The following RFFL variants were observed in gnomAD, a reference collection of about 807,000 sequenced individuals.
RFFL encodes ring finger and FYVE like domain containing E3 ubiquitin protein ligase, also known as E3 ubiquitin-protein ligase rififylin.
A neutral mutation model predicts 40.4 loss-of-function variants in RFFL; 16 were observed. The observed-to-expected ratio is 0.40, with a 90% CI of 0.27 to 0.60. The LOEUF is 0.60. Ranked by LOEUF, RFFL falls within the 20% of genes least tolerant of loss-of-function variation. The probability of loss-of-function intolerance (pLI) is 0.47; values close to 1 mark genes in which losing one functional copy is unlikely to be tolerated. For missense variants in RFFL, 367 were observed against 451.7 expected, an observed-to-expected ratio of 0.81 and a Z score of 1.70; for synonymous variants, 154 against 167.9, an observed-to-expected ratio of 0.92 and a Z score of 0.64.
intron 1 of RFFL, among the ~76,000 whole-genome samples, chr17:35,069,910 C>T (rs16970624): frequency 0.092 from 13,900 of 151,880 alleles, 1,947 homozygotes; most frequent in African/African-American, 0.3. Context: ...GTCCTAAATG[C>T]TTTAAAAAAT....
At chr17:35,061,872 G>A (rs2091293269) in intron 1 of RFFL, among the ~76,000 whole-genome samples, 1 of 151,824 alleles carries the variant, frequency 6.6e-6, no homozygotes, top group Non-Finnish European at 1.5e-5. Context: ...TAGAGATGGG[G>A]TTTCACCATG....
chr17:35,043,790 C>CA (rs2091181018), intron 1 of RFFL, among the ~76,000 whole-genome samples: 1 of 152,100 alleles, frequency 6.6e-6, no homozygotes, highest in Non-Finnish European at 1.5e-5. Flanking sequence ...AATAATCCTA[C>CA]AAAAATCAGA....
At chr17:35,039,526 A>AT (rs924144858) in intron 1 of RFFL, among the ~76,000 whole-genome samples, 3 of 151,300 alleles carry the variant, frequency 2.0e-5, no homozygotes, top group African/African-American at 4.9e-5. Context: ...CCAATGACAG[A>AT]TTTTTTAAAG....
chr17:35,031,049 A>G (rs1239621275), intron 1 of RFFL, among the ~76,000 whole-genome samples: 1 of 152,028 alleles, frequency 6.6e-6, no homozygotes, highest in African/African-American at 2.4e-5. Context: ...AGATTTCACA[A>G]CAATTACCAT....
At chr17:35,022,505 A>G (rs2091015248) in intron 2 of RFFL, among the ~76,000 whole-genome samples, 1 of 152,258 alleles carries the variant, frequency 6.6e-6, no homozygotes, top group Non-Finnish European at 1.5e-5. Flanking sequence ...CCTGATTCAC[A>G]GACAAAGCAA....
At chr17:35,027,457 G>A (rs768470064) in intron 1 of RFFL, among the ~76,000 whole-genome samples, 1 of 152,186 alleles carries the variant, frequency 6.6e-6, no homozygotes, top group Non-Finnish European at 1.5e-5. Context: ...AGGCGCAGTG[G>A]CTCACGCCTG....
chr17:35,067,797 G>C (rs1011518053), upstream of RFFL, among the ~76,000 whole-genome samples: 4 of 152,022 alleles, frequency 2.6e-5, no homozygotes, highest in Admixed American at 6.6e-5. Flanking sequence ...ATCATGTTTT[G>C]AGAAAAAGGA....
chr17:35,013,644 T>C (rs746326273), intron 6 of RFFL, among the ~76,000 whole-genome samples: 2 of 152,216 alleles, frequency 1.3e-5, no homozygotes, highest in African/African-American at 2.4e-5. Flanking sequence ...TTTGCCTCTT[T>C]TGAGGTGCTG....
intron 1 of RFFL, among the ~76,000 whole-genome samples, chr17:35,063,041 C>A (rs2091302249): frequency 6.6e-6 from 1 of 151,766 alleles, no homozygotes; most frequent in Non-Finnish European, 1.5e-5. Flanking sequence ...AAGATACACA[C>A]AAAAAAACAA....
chr17:35,044,935 G>A (rs1383522659), intron 1 of RFFL, among the ~76,000 whole-genome samples: 2 of 151,096 alleles, frequency 1.3e-5, no homozygotes, highest in Middle Eastern at 3.2e-3. Context: ...ACAGTGGTGC[G>A]ATCACAGCTC....
chr17:35,007,327 G>T lies in RFFL; in HGVS notation c.*4641C>A, dbSNP rs1036373598. On this transcript the variant is annotated 3_prime_UTR_variant, in exon 7 of 7. Transcript: ENST00000394597. Reference sequence around the variant, plus strand: ...TATGTATTTTCTTCCAGTCTTTGCTGCTGAGATCTGACTGTATATACTATT... The same window carrying T: ...TATGTATTTTCTTCCAGTCTTTGCTTCTGAGATCTGACTGTATATACTATT... 1 of 152,228 alleles carries T rather than the reference G, an allele frequency of 6.6e-6. No homozygotes were observed. The highest frequency in any genetic ancestry group is 2.4e-5 in the African/African-American group (1 of 41,436). The allele number at this position is 152,228 out of a possible 1,614,324, so 9.4% of individuals were successfully genotyped here.
chr17:35,067,248 G>C (rs1181943816), upstream of RFFL, among the ~76,000 whole-genome samples: 1 of 151,626 alleles, frequency 6.6e-6, no homozygotes, highest in Non-Finnish European at 1.5e-5. Context: ...CTCCCAAGTA[G>C]CTAGGATTAT....
intron 1 of RFFL, among the ~76,000 whole-genome samples, chr17:35,029,858 C>T (rs1201762081): frequency 7.1e-6 from 1 of 141,840 alleles, no homozygotes; most frequent in African/African-American, 2.7e-5. Context: ...AACGCCACGA[C>T]AGTCCCCAGA....
intron 5 of RFFL, among the ~76,000 whole-genome samples, chr17:35,015,572 C>T (rs1294872656): frequency 2.6e-5 from 4 of 152,202 alleles, no homozygotes; most frequent in Admixed American, 6.5e-5. Context: ...TGACCCCTAA[C>T]ACTGATGAAT....
chr17:35,014,765 T>C lies in RFFL; in HGVS notation c.887-2A>G. The C allele has an allele frequency of 6.2e-7, 1 of 1,613,400 alleles. No individual in the cohort carries two copies. The highest frequency in any genetic ancestry group is 8.5e-7 in the Non-Finnish European group (1 of 1,179,426). On this transcript the variant is annotated splice_acceptor_variant, in intron 5 of 6. Coordinates refer to ENST00000394597, the MANE Select transcript of RFFL (RefSeq NM_001017368.2). LOFTEE classifies it high-confidence loss of function. ...CGTTTTGGTCTTCGGCACCACTGAC[T>C]GAAAAGGAAAGAGAAGGATGTCTGA...
At chr17:35,053,711 T>C (rs1333855276) in intron 1 of RFFL, among the ~76,000 whole-genome samples, 1 of 152,194 alleles carries the variant, frequency 6.6e-6, no homozygotes. Flanking sequence ...CCAGGCATTA[T>C]GGGAAACAAT....
chr17:35,040,757 T>G (rs2091158842), intron 1 of RFFL, among the ~76,000 whole-genome samples: 1 of 151,868 alleles, frequency 6.6e-6, no homozygotes, highest in Non-Finnish European at 1.5e-5. Flanking sequence ...TTAGATTTGT[T>G]GTTTGTTCCT....
chr17:35,056,006 C>A (rs1325001464), intron 1 of RFFL, among the ~76,000 whole-genome samples: 2 of 152,068 alleles, frequency 1.3e-5, no homozygotes, highest in Non-Finnish European at 2.9e-5. Context: ...TCTCCACATT[C>A]CAGCCCACTC....
intron 4 of RFFL, among the ~76,000 whole-genome samples, 171 bp from the exon 5 acceptor site, chr17:35,016,751 A>G (rs1224662561): frequency 6.6e-6 from 1 of 152,138 alleles, no homozygotes; most frequent in African/African-American, 2.4e-5. Context: ...AAAATATACT[A>G]GAATCTCTTC....
Sources: allele counts gnomAD v4.1 joint callset (sites outside exome capture counted in the v4.1 genomes callset), GRCh38; gene constraint gnomAD v4.1.1; transcripts MANE v1.5; gene names NCBI Gene and HGNC (gene_info 2026-07-23, HGNC 2026-07-21).